The following TBC1D31 variants were observed in gnomAD, a reference collection of about 807,000 sequenced individuals.
TBC1D31 encodes the protein WD repeat domain 67.
A neutral mutation model predicts 132.9 loss-of-function variants in TBC1D31; 99 were observed. The ratio of observed to expected loss-of-function variants is 0.74; its 90% confidence interval spans 0.63 to 0.88. The LOEUF is 0.88. TBC1D31 is among the 40% of genes least tolerant of loss of function. The pLI, the probability that TBC1D31 is intolerant of heterozygous loss-of-function variation, is 0.00. For missense variants in TBC1D31, 1,134 were observed against 1,256.6 expected (o/e 0.90, Z 1.48); for synonymous variants, 385 against 419.4 (o/e 0.92, Z 1.00).
At chr8:123,107,570 A>G (rs1160304746) in intron 8 of TBC1D31, among the ~76,000 whole-genome samples, 1 of 152,228 alleles carries the variant, frequency 6.6e-6, no homozygotes, top group African/African-American at 2.4e-5. Flanking sequence ...CTTTAATGCA[A>G]AGATAAGCTG....
chr8:123,128,984 T>C lies in TBC1D31; in HGVS notation c.2118-82T>C, dbSNP rs1820364642. On this transcript the variant is annotated intron_variant, in intron 14 of 21. Coordinates refer to ENST00000287380, the MANE Select transcript of TBC1D31 (RefSeq NM_145647.4). The stretch of plus-strand genomic sequence containing the variant: ...TTGCATATGGAAATAAAATAGATTA[T>C]ACATTAATCGGTATACATTTTGTGT... 4 of 901,660 alleles carry C rather than the reference T, an allele frequency of 4.4e-6. No individual in the cohort carries two copies. In the South Asian group the frequency reaches 8.5e-5, roughly 19 times the overall value. 55.9% of individuals were successfully genotyped at this position (901,660 alleles called of 1,614,324 possible). A position where few individuals can be genotyped will look rare whatever the true frequency, so the allele number is the denominator to read the frequency against.
At position 123,077,249 on chromosome 8, in the gene TBC1D31, T is replaced by G. The variant is rs148678046; in HGVS notation, c.216T>G (p.His72Gln). Residue 72 changes from histidine (H) to glutamine (Q), a missense_variant, in exon 2 of 22, where the codon CAT becomes CAG. Coordinates refer to ENST00000287380, the MANE Select transcript of TBC1D31 (RefSeq NM_145647.4). ...HQGNIYVFDLHGNRFNLVQRT... is the reference protein window; with the variant it reads ...HQGNIYVFDLQGNRFNLVQRT... ...GAAATATTTATGTTTTTGACTTACA[T>G]GGAAACAGGTAAGCAGATACCATTG... 8.1e-6 allele frequency: 13 copies of G among 1,611,200 alleles called. No homozygotes were observed. Among genetic ancestry groups the G allele is most frequent in the South Asian group, 1.1e-5 (1 of 90,318 alleles).
At chr8:123,136,832 TATTTAAACAAAC>T (rs1821140667) in intron 17 of TBC1D31, among the ~76,000 whole-genome samples, 1 of 152,142 alleles carries the variant, frequency 6.6e-6, no homozygotes, top group Admixed American at 6.5e-5. Flanking sequence ...AGGAATTATT[TATTTAAACAAAC>T]CAATAGGATT....
At chr8:123,152,597 G>A (rs377175479), downstream of TBC1D31, among the ~76,000 whole-genome samples, 9 of 152,182 alleles carry the variant, frequency 5.9e-5, no homozygotes, top group African/African-American at 1.2e-4. Context: ...CAGGCCAGAC[G>A]TGGTGGCTCA....
At chr8:123,142,554 A>C (rs1028962774) in intron 19 of TBC1D31, 98 bp downstream of exon 19, 15 of 1,019,626 alleles carry the variant, frequency 1.5e-5, no homozygotes, top group Non-Finnish European at 1.8e-5. Context: ...CTCGAAATTC[A>C]AACTCGGGGC....
At chr8:123,097,235 A>G (rs2130279482) in intron 5 of TBC1D31, 47 bp from the exon 6 acceptor site, 6 of 1,607,350 alleles carry the variant, frequency 3.7e-6, no homozygotes, top group Non-Finnish European at 5.1e-6. Flanking sequence ...CAGTGCTGCT[A>G]CAAACAATTG....
Position 123,143,952 on chromosome 8 carries a change from G to A in TBC1D31, c.2836-765G>A, listed in dbSNP as rs1468265191. 5.3e-5 allele frequency among the ~76,000 whole-genome samples: 8 copies of A among 152,266 alleles called. No individual in the cohort carries two copies. In the East Asian group the frequency reaches 7.7e-4, roughly 15 times the overall value. ...TCCTTCCTTGTGTCTAGTGTCTTGC[G>A]TTGTAAAGCTGACTTGACTACTGCG... On this transcript the variant is annotated intron_variant, in intron 19 of 21. Transcript: ENST00000287380.
intron 20 of TBC1D31, among the ~76,000 whole-genome samples, chr8:123,147,819 C>G (rs1043264523): frequency 6.6e-6 from 1 of 152,064 alleles, no homozygotes. Flanking sequence ...GAGATAATCA[C>G]CTACCATTAA....
intron 1 of TBC1D31, chr8:123,073,487 A>G (rs540268996): frequency 4.5e-6 from 2 of 439,922 alleles, no homozygotes; most frequent in Non-Finnish European, 9.1e-6. Context: ...TAGTACGGCC[A>G]GCGCTGCTTT....
chr8:123,158,546 G>T, the TBC1D31 span, among the ~76,000 whole-genome samples: 1 of 152,058 alleles, frequency 6.6e-6, no homozygotes, highest in Non-Finnish European at 1.5e-5. Flanking sequence ...GACCTAGGTG[G>T]GTGTGCGGAT....
intron 4 of TBC1D31, among the ~76,000 whole-genome samples, chr8:123,092,829 T>TTTTTTTTTTTTG (rs1816468384): frequency 6.8e-6 from 1 of 146,158 alleles, no homozygotes; most frequent in Non-Finnish European, 1.5e-5. Context: ...TTTTTTTTTT[T>TTTTTTTTTTTTG]GAGACGAAGG....
intron 19 of TBC1D31, among the ~76,000 whole-genome samples, chr8:123,142,928 T>C (rs1471431947): frequency 6.6e-6 from 1 of 152,196 alleles, no homozygotes; most frequent in Non-Finnish European, 1.5e-5. Flanking sequence ...ACGTAGCTGC[T>C]AGTAACAAAA....
chr8:123,115,763 C>T (rs1016016876), intron 10 of TBC1D31, among the ~76,000 whole-genome samples: 1 of 152,088 alleles, frequency 6.6e-6, no homozygotes, highest in East Asian at 1.9e-4. Flanking sequence ...CCTCTGTAGT[C>T]GTATCTCCCT....
intron 16 of TBC1D31, among the ~76,000 whole-genome samples, chr8:123,131,643 T>G (rs1820641939): frequency 6.6e-6 from 1 of 152,230 alleles, no homozygotes; most frequent in Non-Finnish European, 1.5e-5. Context: ...TTATTTGCAG[T>G]GTTTTGCAAA....
downstream of TBC1D31, among the ~76,000 whole-genome samples, chr8:123,156,634 G>A (rs1822996845): frequency 6.6e-6 from 1 of 152,140 alleles, no homozygotes; most frequent in Non-Finnish European, 1.5e-5. Flanking sequence ...CGCAGTAGCA[G>A]CGTCTGTTTC....
At chr8:123,118,272 G>C (rs1819144096) in intron 10 of TBC1D31, among the ~76,000 whole-genome samples, 1 of 152,104 alleles carries the variant, frequency 6.6e-6, no homozygotes, top group South Asian at 2.1e-4. Flanking sequence ...GCATGTGCCA[G>C]TGTTAATTTC....
chr8:123,080,529 C>CTTTTTTTTTT (rs57694076), intron 2 of TBC1D31, among the ~76,000 whole-genome samples: 1 of 76,320 alleles, frequency 1.3e-5, no homozygotes, highest in Non-Finnish European at 2.3e-5. Context: ...TTCTTTTATT[C>CTTTTTTTTTT]TTTTTTTTTT....
At chr8:123,096,864 T>G (rs931337985) in intron 5 of TBC1D31, among the ~76,000 whole-genome samples, 1 of 152,220 alleles carries the variant, frequency 6.6e-6, no homozygotes, top group Non-Finnish European at 1.5e-5. Context: ...GTTTTTTTCA[T>G]ATAGCCATGT....
downstream of TBC1D31, among the ~76,000 whole-genome samples, chr8:123,155,030 A>G (rs1822952794): frequency 6.6e-6 from 1 of 152,170 alleles, no homozygotes; most frequent in Non-Finnish European, 1.5e-5. This position sits in a 1 kb window ranked among gnomAD's most constrained non-coding sequence, Gnocchi z 4.1. Context: ...CCACGCTTAT[A>G]CCATTGAAAG....
Sources: gnomAD v4.1 joint callset for allele counts (sites outside exome capture counted in the v4.1 genomes callset) on GRCh38, gnomAD v4.1.1 for gene constraint, Gnocchi (gnomAD v3.1) non-coding constraint, MANE v1.5 for transcripts, NCBI Gene and HGNC (gene_info 2026-07-23, HGNC 2026-07-21) for gene names.